Variants in PGCKA1 observed in about 807,000 individuals in gnomAD.
PGCKA1 encodes PDCD10 and GCKIII kinases associated 1, also known as PDCD10 and GCKIII kinases-associated protein 1.
chr4:37,585,056 T>G, the PGCKA1 span, among the ~76,000 whole-genome samples: 1 of 145,538 alleles, frequency 6.9e-6, no homozygotes, highest in African/African-American at 2.6e-5. Context: ...TGTTGTTGTT[T>G]GTTGGTTGGT....
chr4:37,572,513 A>G, the PGCKA1 span, among the ~76,000 whole-genome samples: 1 of 152,052 alleles, frequency 6.6e-6, no homozygotes, highest in African/African-American at 2.4e-5. Context: ...CTCTGTCTTT[A>G]TATACACACA....
the PGCKA1 span, among the ~76,000 whole-genome samples, chr4:37,527,936 G>T: frequency 7.9e-5 from 12 of 152,194 alleles, no homozygotes; most frequent in Non-Finnish European, 1.6e-4. Flanking sequence ...GGCAGTCTAG[G>T]TGTGTGGTAG....
chr4:37,481,781 C>T, the PGCKA1 span, among the ~76,000 whole-genome samples: 6 of 152,228 alleles, frequency 3.9e-5, no homozygotes, highest in Admixed American at 6.5e-5. Flanking sequence ...TTGGCTGTGT[C>T]GCCACCCAAA....
the PGCKA1 span, chr4:37,591,580 G>C: frequency 1.3e-5 from 2 of 152,228 alleles, no homozygotes; most frequent in African/African-American, 4.8e-5. Flanking sequence ...TCACAGTAGA[G>C]CAGAAGTCCC....
the PGCKA1 span, among the ~76,000 whole-genome samples, chr4:37,521,098 T>C: frequency 6.6e-6 from 1 of 152,200 alleles, no homozygotes; most frequent in African/African-American, 2.4e-5. Flanking sequence ...TTTCTTCTAC[T>C]AATTTTGGAT....
At chr4:37,579,062 C>T in the PGCKA1 span, among the ~76,000 whole-genome samples, 5 of 151,948 alleles carry the variant, frequency 3.3e-5, no homozygotes, top group Non-Finnish European at 7.4e-5. Flanking sequence ...CGTCTCAAAA[C>T]ATAAATAAAT....
the PGCKA1 span, chr4:37,588,573 C>T: frequency 2.7e-6 from 1 of 366,306 alleles, no homozygotes; most frequent in Non-Finnish European, 5.0e-6. Flanking sequence ...TCCTCATCTG[C>T]AAAATGGGGA....
the PGCKA1 span, among the ~76,000 whole-genome samples, chr4:37,518,257 A>G: frequency 6.6e-6 from 1 of 152,182 alleles, no homozygotes; most frequent in South Asian, 2.1e-4. Context: ...CTCTTTATAT[A>G]CTGATTTACT....
chr4:37,587,074 G>T, the PGCKA1 span, among the ~76,000 whole-genome samples: 1 of 152,172 alleles, frequency 6.6e-6, no homozygotes, highest in Non-Finnish European at 1.5e-5. Context: ...GGGTGAATCT[G>T]TTCCTTCCCT....
the PGCKA1 span, among the ~76,000 whole-genome samples, chr4:37,522,963 G>A: frequency 9.2e-5 from 14 of 152,236 alleles, no homozygotes; most frequent in East Asian, 2.7e-3. Context: ...GAAGGGTGAT[G>A]CCAGCACTCC....
At chr4:37,532,715 G>A in the PGCKA1 span, among the ~76,000 whole-genome samples, 1 of 152,174 alleles carries the variant, frequency 6.6e-6, no homozygotes, top group East Asian at 1.9e-4. Flanking sequence ...GAACACAGTT[G>A]GAATAGGAAC....
the PGCKA1 span, among the ~76,000 whole-genome samples, chr4:37,565,468 T>G: frequency 3.3e-5 from 5 of 152,058 alleles, no homozygotes; most frequent in African/African-American, 9.7e-5. Context: ...CCGGGTCTAA[T>G]CTGGGGGAAG....
the PGCKA1 span, among the ~76,000 whole-genome samples, chr4:37,498,228 G>A: frequency 1.3e-5 from 2 of 152,002 alleles, no homozygotes; most frequent in Admixed American, 6.6e-5. Context: ...TAAGTATTTG[G>A]GTTTATTTAT....
the PGCKA1 span, among the ~76,000 whole-genome samples, chr4:37,567,974 A>G: frequency 6.6e-6 from 1 of 152,108 alleles, no homozygotes; most frequent in East Asian, 1.9e-4. Context: ...AAAAGGAGTG[A>G]CATCATCACT....
At chr4:37,532,571 A>AT in the PGCKA1 span, among the ~76,000 whole-genome samples, 10,057 of 151,570 alleles carry the variant, frequency 0.066, 552 homozygotes, top group South Asian at 0.22. Flanking sequence ...TACAGTAAGC[A>AT]TTTTTTTTCC....
chr4:37,531,457 G>A, the PGCKA1 span, among the ~76,000 whole-genome samples: 1 of 152,248 alleles, frequency 6.6e-6, no homozygotes, highest in African/African-American at 2.4e-5. Context: ...AAATGCATTT[G>A]CCCTTCAAGC....
chr4:37,473,096 T>C, the PGCKA1 span, among the ~76,000 whole-genome samples: 5 of 152,230 alleles, frequency 3.3e-5, no homozygotes, highest in Middle Eastern at 3.4e-3. Flanking sequence ...CAAGTATACA[T>C]AGGGAAAATT....
At chr4:37,504,439 ATT>A in the PGCKA1 span, among the ~76,000 whole-genome samples, 7 of 150,842 alleles carry the variant, frequency 4.6e-5, no homozygotes, top group Non-Finnish European at 8.9e-5. Flanking sequence ...ATAAATTAAA[ATT>A]TTTTTTTTTC....
At chr4:37,460,591 A>G in the PGCKA1 span, 13 of 453,546 alleles carry the variant, frequency 2.9e-5, no homozygotes, top group South Asian at 2.0e-4. Flanking sequence ...ATGATCAGTG[A>G]TGAGCTTTTT....
Sources: allele counts gnomAD v4.1 joint callset (sites outside exome capture counted in the v4.1 genomes callset), GRCh38; gene constraint gnomAD v4.1.1; transcripts MANE v1.5; gene names NCBI Gene and HGNC (gene_info 2026-07-23, HGNC 2026-07-21).